The following MICAL3 variants were observed in gnomAD, a reference collection of about 807,000 sequenced individuals.
The protein encoded by MICAL3 is microtubule associated monooxygenase, calponin and LIM domain containing 3.
A neutral mutation model predicts 207.4 loss-of-function variants in MICAL3; 62 were observed. The observed-to-expected ratio is 0.30, with a 90% CI of 0.24 to 0.37. The LOEUF (loss-of-function observed/expected upper bound fraction) is 0.37. MICAL3 is among the 10% of genes least tolerant of loss of function. MICAL3 has a pLI of 1.00. For synonymous variants in MICAL3, 1,077 were observed against 1,069.3 expected (o/e 1.01, Z -0.14); for missense variants, 2,368 against 2,635.6 (o/e 0.90, Z 2.22).
At chr22:17,844,092 C>T (rs1386463025) in intron 19 of MICAL3, among the ~76,000 whole-genome samples, 3 of 152,240 alleles carry the variant, frequency 2.0e-5, no homozygotes, top group African/African-American at 7.2e-5. Flanking sequence ...GTGATCCGCC[C>T]GCCTCGGCCT....
chr22:17,816,678 C>A lies in MICAL3; in HGVS notation c.5445+12G>T. On this transcript the variant is annotated intron_variant, in intron 27 of 31. Transcript: ENST00000441493. Reference sequence around the variant, plus strand: ...CCCCAGGCCCTGTGAAGCCCCCTGCCTGACTACCCACCTCTCGCCGGGACT... The same window carrying A: ...CCCCAGGCCCTGTGAAGCCCCCTGCATGACTACCCACCTCTCGCCGGGACT... 1 of 1,549,496 alleles carries A rather than the reference C, an allele frequency of 6.5e-7. No homozygotes were observed. Among genetic ancestry groups the A allele is most frequent in the Non-Finnish European group, 8.7e-7 (1 of 1,145,160 alleles).
intron 1 of MICAL3, among the ~76,000 whole-genome samples, chr22:18,011,686 C>T (rs35125741): frequency 0.18 from 27,023 of 150,950 alleles, 3,097 homozygotes; most frequent in Middle Eastern, 0.31. Flanking sequence ...CTGGCTAACA[C>T]GGTAAAAATA....
chr22:17,982,717 A>AACATAACAT (rs1935974560), intron 1 of MICAL3, among the ~76,000 whole-genome samples: 1 of 61,568 alleles, frequency 1.6e-5, no homozygotes, highest in Non-Finnish European at 3.1e-5. Context: ...TAACATAACA[A>AACATAACAT]ACATAACATA....
rs958662967 is a variant in MICAL3, at chr22:17,900,102, C to T, written c.848-554G>A. On this transcript the variant is annotated intron_variant, in intron 6 of 31. Coordinates refer to ENST00000441493, the MANE Select transcript of MICAL3 (RefSeq NM_015241.3). The surrounding 1 kb of genome is among the most constrained non-coding windows in gnomAD (Gnocchi z 4.0). Reference sequence around the variant, plus strand: ...AAAACCTATCATACAACAATCTCATCGCTATCTGACACACGGTTTGCCTTC... The same window carrying T: ...AAAACCTATCATACAACAATCTCATTGCTATCTGACACACGGTTTGCCTTC... Among the ~76,000 whole-genome samples the T allele has an allele frequency of 2.6e-5, 4 of 152,202 alleles. No homozygotes were observed. Among genetic ancestry groups the T allele is most frequent in the African/African-American group, 4.8e-5 (2 of 41,450 alleles).
At chr22:17,912,277 C>T (rs1055710397) in intron 1 of MICAL3, among the ~76,000 whole-genome samples, 4 of 151,982 alleles carry the variant, frequency 2.6e-5, no homozygotes, top group African/African-American at 4.8e-5. Context: ...CATGAGTCCT[C>T]CAGCTTTGGT....
At chr22:17,797,121 C>T (rs1170354609) in intron 29 of MICAL3, among the ~76,000 whole-genome samples, 4 of 152,180 alleles carry the variant, frequency 2.6e-5, no homozygotes, top group African/African-American at 9.7e-5. Context: ...TACCTTAGTC[C>T]TTCTGGTACT....
At chr22:17,865,250 CAA>C (rs1289368748) in intron 18 of MICAL3, among the ~76,000 whole-genome samples, 1 of 152,036 alleles carries the variant, frequency 6.6e-6, no homozygotes, top group African/African-American at 2.4e-5. Context: ...CACCCGGAGT[CAA>C]AGTCTAGATC....
intron 1 of MICAL3, among the ~76,000 whole-genome samples, chr22:17,958,764 C>T (rs1433168719): frequency 1.3e-5 from 2 of 151,096 alleles, no homozygotes; most frequent in African/African-American, 4.9e-5. Flanking sequence ...AGTGCAATGG[C>T]GTGATCTCAG....
intron 29 of MICAL3, among the ~76,000 whole-genome samples, chr22:17,795,707 T>A (rs1217742701): frequency 6.6e-6 from 1 of 152,180 alleles, no homozygotes; most frequent in Non-Finnish European, 1.5e-5. Flanking sequence ...GGCCGGCGAG[T>A]CCGAGCTGCG....
chr22:17,913,598 C>T (rs2146282657), intron 1 of MICAL3, among the ~76,000 whole-genome samples: 1 of 152,230 alleles, frequency 6.6e-6, no homozygotes, highest in African/African-American at 2.4e-5. Context: ...TGACCCCTCT[C>T]TAGAGGCATC....
intron 19 of MICAL3, chr22:17,861,087 T>C: frequency 1.0e-6 from 1 of 985,404 alleles, no homozygotes; most frequent in Non-Finnish European, 1.2e-6. Context: ...TAGAATTCTC[T>C]TGCTCCACTA....
chr22:17,861,291 C>T (rs1443634948), intron 19 of MICAL3: 5 of 984,722 alleles, frequency 5.1e-6, no homozygotes, highest in Admixed American at 1.3e-4. Flanking sequence ...TCATGGTTAT[C>T]GGGCAAGGAA....
At position 17,817,831 on chromosome 22, in the gene MICAL3, C is replaced by A. The variant is rs768938036; in HGVS notation, c.4830G>T (p.Arg1610=). The A allele has an allele frequency of 6.2e-7, 1 of 1,611,380 alleles. No homozygotes were observed. Among genetic ancestry groups the A allele is most frequent in the Non-Finnish European group, 8.5e-7 (1 of 1,179,344 alleles). The change falls in exon 26 of 32, where the codon CGG becomes CGT. Residue 1610 remains arginine (R), a synonymous_variant. Coordinates refer to ENST00000441493, the MANE Select transcript of MICAL3 (RefSeq NM_015241.3). ...REKSVKSQAL[R]DAMARQLSRM... Reference sequence around the variant, plus strand: ...TGCTCAGCTGCCTGGCCATGGCGTCCCGCAGCGCCTGGCTCTTCACGGACT... The same window carrying A: ...TGCTCAGCTGCCTGGCCATGGCGTCACGCAGCGCCTGGCTCTTCACGGACT...
chr22:17,836,553 T>C (rs1923391366), intron 20 of MICAL3, among the ~76,000 whole-genome samples: 1 of 151,972 alleles, frequency 6.6e-6, no homozygotes, highest in African/African-American at 2.4e-5. Context: ...CCTGCCTGCC[T>C]GGATGCAACC....
At chr22:17,807,929 C>T (rs769492848) in intron 29 of MICAL3, among the ~76,000 whole-genome samples, 2 of 152,238 alleles carry the variant, frequency 1.3e-5, no homozygotes, top group Admixed American at 6.5e-5. Flanking sequence ...ACAATTTAAA[C>T]GCTGAACCTG....
chr22:17,995,568 C>CGAT (rs1369819567), intron 1 of MICAL3, among the ~76,000 whole-genome samples: 1 of 132,218 alleles, frequency 7.6e-6, no homozygotes, highest in African/African-American at 3.0e-5. Flanking sequence ...TGCAGTGGTG[C>CGAT]GATCTCCGCT....
chr22:18,024,549 A>T lies in MICAL3; in HGVS notation c.-343T>A, dbSNP rs1330083128. On this transcript the variant is annotated 5_prime_UTR_variant, in exon 1 of 32. Coordinates refer to ENST00000441493, the MANE Select transcript of MICAL3 (RefSeq NM_015241.3). ...GCCGGGACTCCGCCGGGGCTGCAGG[A>T]GCGCGCGCTGCTGGCTGGGCGGGCT... is the stretch of plus-strand genomic sequence containing the variant. 1 of 151,716 alleles carries T rather than the reference A, an allele frequency of 6.6e-6. No individual in the cohort carries two copies. Among genetic ancestry groups the T allele is most frequent in the Non-Finnish European group, 1.5e-5 (1 of 67,896 alleles). 9.4% of individuals were successfully genotyped at this position (151,716 alleles called of 1,614,324 possible).
At chr22:17,931,011 G>A (rs548389530) in intron 1 of MICAL3, among the ~76,000 whole-genome samples, 4 of 152,296 alleles carry the variant, frequency 2.6e-5, no homozygotes, top group South Asian at 2.1e-4. Context: ...CTCCACCTCC[G>A]CAACAGACCG....
chr22:17,910,322 T>G (rs1214329200), intron 1 of MICAL3, among the ~76,000 whole-genome samples: 1 of 152,192 alleles, frequency 6.6e-6, no homozygotes, highest in African/African-American at 2.4e-5. Flanking sequence ...CCCACTCGGT[T>G]TGAAATAATT....
Sources: allele counts gnomAD v4.1 joint callset (sites outside exome capture counted in the v4.1 genomes callset), GRCh38; gene constraint gnomAD v4.1.1; non-coding constraint Gnocchi (gnomAD v3.1); transcripts MANE v1.5; gene names NCBI Gene and HGNC (gene_info 2026-07-23, HGNC 2026-07-21).